The following GABBR2 variants were observed in gnomAD, a reference collection of about 807,000 sequenced individuals.
GABBR2 encodes G-protein coupled receptor 51.
In GABBR2, 23 loss-of-function variants were observed where a neutral mutation model predicts 105.6. The observed-to-expected ratio is 0.22, with a 90% confidence interval of 0.16 to 0.31. The LOEUF is 0.31. GABBR2 is among the 10% of genes least tolerant of loss of function. The pLI is 1.00. For missense variants in GABBR2, 734 were observed against 1,245.5 expected (o/e 0.59, Z 6.18); for synonymous variants, 478 against 499.7 (o/e 0.96, Z 0.58).
At chr9:98,436,277 A>C (rs1189767914) in intron 7 of GABBR2, among the ~76,000 whole-genome samples, 54 of 49,690 alleles carry the variant, frequency 1.1e-3, no homozygotes, top group African/African-American at 3.1e-3. Context: ...AAACAACAAC[A>C]ACCATATATA....
In GABBR2 at chr9:98,587,901, C is replaced by T. The variant is rs117167434; in HGVS notation, c.322-9829G>A. On this transcript the variant is annotated intron_variant, in intron 1 of 18. Transcript: ENST00000259455. Reference sequence around the variant, plus strand: ...TATGCAAATAAATAAAATTCAACAACGATCTAAAGTAGGATGTAATAATGA... The same window carrying T: ...TATGCAAATAAATAAAATTCAACAATGATCTAAAGTAGGATGTAATAATGA... Among the ~76,000 whole-genome samples, 241 of 152,198 alleles carry T rather than the reference C, an allele frequency of 1.6e-3. 1 individual carries two copies. Among genetic ancestry groups the T allele is most frequent in the African/African-American group, 2.4e-3 (98 of 41,544 alleles).
At chr9:98,530,142 C>T (rs981383199) in intron 3 of GABBR2, among the ~76,000 whole-genome samples, 1 of 152,206 alleles carries the variant, frequency 6.6e-6, no homozygotes, top group Non-Finnish European at 1.5e-5. Context: ...GCAGAAACAA[C>T]GTGTCCCGGG....
rs754743692 is a variant in GABBR2, at chr9:98,292,565, G to C, written c.2660+1220C>G. 2.2e-4 allele frequency among the ~76,000 whole-genome samples: 34 copies of C among 152,248 alleles called. 1 individual carries two copies. The highest frequency in any genetic ancestry group is 4.4e-4 in the Non-Finnish European group (30 of 68,046). On this transcript the variant is annotated intron_variant, in intron 18 of 18. Transcript: ENST00000259455. ...CCTCACAGGTGTGCATGGAACTACA[G>C]TGTTGGAGATCTCATTCTGAAGTTA...
At chr9:98,524,173 G>C (rs1355355185) in intron 3 of GABBR2, among the ~76,000 whole-genome samples, 1 of 152,128 alleles carries the variant, frequency 6.6e-6, no homozygotes, top group African/African-American at 2.4e-5. Flanking sequence ...AAAAAGGGCA[G>C]ACTGAAAAAT....
At chr9:98,500,668 A>C (rs995776690) in intron 3 of GABBR2, among the ~76,000 whole-genome samples, 1 of 152,230 alleles carries the variant, frequency 6.6e-6, no homozygotes, top group African/African-American at 2.4e-5. Context: ...CCCCTGGAAT[A>C]AATAATCTGC....
At chr9:98,596,165 C>T (rs1048530796) in intron 1 of GABBR2, among the ~76,000 whole-genome samples, 1 of 152,228 alleles carries the variant, frequency 6.6e-6, no homozygotes, top group African/African-American at 2.4e-5. Flanking sequence ...GGACCTTGGG[C>T]AAACTTTTAG....
At chr9:98,584,811 G>C (rs554336953) in intron 1 of GABBR2, among the ~76,000 whole-genome samples, 1 of 152,122 alleles carries the variant, frequency 6.6e-6, no homozygotes, top group Non-Finnish European at 1.5e-5. Context: ...ACCTGCCCCC[G>C]TTAGAAAGTC....
chr9:98,488,022 G>A (rs1564089727), intron 4 of GABBR2, among the ~76,000 whole-genome samples: 1 of 152,152 alleles, frequency 6.6e-6, no homozygotes, highest in African/African-American at 2.4e-5. Flanking sequence ...TACAGTGTGG[G>A]AAAGGCTCCA....
chr9:98,608,320 G>A (rs1175541588), intron 1 of GABBR2, among the ~76,000 whole-genome samples: 1 of 152,148 alleles, frequency 6.6e-6, no homozygotes, highest in Non-Finnish European at 1.5e-5. Flanking sequence ...TGTCTAGGGT[G>A]TTGTGTACTT....
chr9:98,643,002 A>T (rs1829985774), intron 1 of GABBR2, among the ~76,000 whole-genome samples: 1 of 152,128 alleles, frequency 6.6e-6, no homozygotes, highest in East Asian at 1.9e-4. Flanking sequence ...GTCTTAGCTG[A>T]TCTCTCCCAG....
At chr9:98,410,660 C>G (rs987409151) in intron 7 of GABBR2, among the ~76,000 whole-genome samples, 4 of 151,926 alleles carry the variant, frequency 2.6e-5, no homozygotes, top group African/African-American at 9.7e-5. Context: ...GATAGGGCCC[C>G]AAAAGTAGCA....
chr9:98,299,444 C>A, intron 16 of GABBR2, 91 bp from the exon 17 acceptor site: 1 of 1,407,950 alleles, frequency 7.1e-7, no homozygotes, highest in Non-Finnish European at 9.9e-7. Context: ...CAGGGCTGGG[C>A]CTTTACCTGT....
chr9:98,708,693 C>A lies in GABBR2; in HGVS notation c.45G>T (p.Pro15=). The change falls in exon 1 of 19, where the codon CCG becomes CCT. Residue 15 remains proline, a synonymous_variant. Transcript: ENST00000259455. ...RSSGQPGPPP[P]PPPPPARLLL... ...GCAGGCGCGCGGGCGGCGGTGGCGG[C>A]GGCGGCGGCGGCCCGGGCTGCCCGG... 4.9e-6 allele frequency: 5 copies of A among 1,023,796 alleles called. No homozygotes were observed. The highest frequency in any genetic ancestry group is 5.8e-6 in the Non-Finnish European group (5 of 857,556). The allele number at this position is 1,023,796 out of a possible 1,614,324, so 63.4% of individuals were successfully genotyped here.
chr9:98,596,286 C>T (rs2151075), intron 1 of GABBR2, among the ~76,000 whole-genome samples: 13,008 of 152,200 alleles, frequency 0.085, 1,179 homozygotes, highest in East Asian at 0.49. Flanking sequence ...GTGCTGGCAC[C>T]GGTGAACACT....
chr9:98,645,402 G>A (rs1469923993), intron 1 of GABBR2, among the ~76,000 whole-genome samples: 3 of 152,188 alleles, frequency 2.0e-5, no homozygotes, highest in African/African-American at 7.2e-5. Context: ...CTGGGCTGAT[G>A]CTCTTCCCAT....
At chr9:98,701,734 A>G (rs533141124) in intron 1 of GABBR2, among the ~76,000 whole-genome samples, 11 of 152,240 alleles carry the variant, frequency 7.2e-5, no homozygotes, top group Admixed American at 3.3e-4. Context: ...CGGGAGACAC[A>G]CATGAATAAA....
At chr9:98,379,828 AC>A (rs1415127085) in intron 11 of GABBR2, among the ~76,000 whole-genome samples, 1 of 152,228 alleles carries the variant, frequency 6.6e-6, no homozygotes, top group Non-Finnish European at 1.5e-5. Flanking sequence ...AATAGGGTAA[AC>A]AAAAGCCACT....
rs778031464 is a variant in GABBR2, at chr9:98,436,396, T to G, written c.1236+17585A>C. 4.6e-3 allele frequency among the ~76,000 whole-genome samples: 251 copies of G among 54,756 alleles called. 19 individuals carry two copies. Among genetic ancestry groups the G allele is most frequent in the African/African-American group, 0.018 (239 of 13,092 alleles). 35.9% of individuals were successfully genotyped at this position (54,756 alleles called of 152,430 possible). A position where few individuals can be genotyped will look rare whatever the true frequency, so the allele number is the denominator to read the frequency against. On this transcript the variant is annotated intron_variant, in intron 7 of 18. Coordinates refer to ENST00000259455, the MANE Select transcript of GABBR2 (RefSeq NM_005458.8). ...ATATATATATATATATATATATATATATATATATATAGTATGGCGTTCTTT... is the reference window on the plus strand; with the variant it reads ...ATATATATATATATATATATATATAGATATATATATAGTATGGCGTTCTTT...
intron 2 of GABBR2, among the ~76,000 whole-genome samples, chr9:98,544,077 G>A (rs909177763): frequency 2.7e-5 from 4 of 147,344 alleles, no homozygotes; most frequent in Non-Finnish European, 6.0e-5. Context: ...GATCCAGAGA[G>A]GGCATGGATG....
Sources: gnomAD v4.1 joint callset for allele counts (sites outside exome capture counted in the v4.1 genomes callset) on GRCh38, gnomAD v4.1.1 for gene constraint, MANE v1.5 for transcripts, NCBI Gene and HGNC (gene_info 2026-07-23, HGNC 2026-07-21) for gene names.